Variants in XKR4 observed in about 807,000 individuals in gnomAD.
XKR4 encodes XK related 4.
Under a neutral mutation model 53.9 loss-of-function variants are expected in XKR4, and 12 were observed. That is an observed-to-expected ratio of 0.22 (90% CI 0.14 to 0.36). XKR4 has a LOEUF of 0.36. Among genes scored for constraint, XKR4 ranks in the 10% least tolerant of loss-of-function variants. XKR4 has a pLI of 1.00. For missense variants in XKR4, 799 were observed against 859.5 expected, an observed-to-expected ratio of 0.93 and a Z score of 0.88; for synonymous variants, 354 against 362.4, an observed-to-expected ratio of 0.98 and a Z score of 0.26.
chr8:55,204,491 G>C (rs554690414), intron 1 of XKR4, among the ~76,000 whole-genome samples: 50 of 152,292 alleles, frequency 3.3e-4, no homozygotes, highest in Non-Finnish European at 5.3e-4. Flanking sequence ...TTGACAAAGA[G>C]TATAAATATT....
chr8:55,217,956 A>G (rs1369786612), intron 1 of XKR4, among the ~76,000 whole-genome samples: 1 of 152,166 alleles, frequency 6.6e-6, no homozygotes, highest in East Asian at 1.9e-4. Context: ...AACAAACAAC[A>G]ATGATAGTAG....
At position 55,344,583 on chromosome 8, in the gene XKR4, T is replaced by A. The variant is rs1013783042; in HGVS notation, c.807-13095T>A. Among the ~76,000 whole-genome samples the A allele has an allele frequency of 2.7e-4, 41 of 152,152 alleles. 2 individuals carry two copies. Among genetic ancestry groups the A allele is most frequent in the Non-Finnish European group, 5.9e-5 (4 of 68,014 alleles). ...CTCTATTTACTTCAAGCCACTCTTC[T>A]CCATTTGAATACACATTTTACTGTT... On this transcript the variant is annotated intron_variant, in intron 1 of 2. Coordinates refer to ENST00000327381, the MANE Select transcript of XKR4 (RefSeq NM_052898.2).
chr8:55,511,651 G>A (rs560042144), intron 2 of XKR4, among the ~76,000 whole-genome samples: 13 of 152,246 alleles, frequency 8.5e-5, no homozygotes, highest in South Asian at 4.1e-4. Flanking sequence ...CTTCGACTTC[G>A]CCCTTCCTTT....
chr8:55,281,176 A>G (rs1334554825), intron 1 of XKR4, among the ~76,000 whole-genome samples: 2 of 152,216 alleles, frequency 1.3e-5, no homozygotes, highest in Non-Finnish European at 2.9e-5. Flanking sequence ...GGAGCTGGGC[A>G]TTGACTTTTC....
chr8:55,324,554 G>A (rs77650850), intron 1 of XKR4, among the ~76,000 whole-genome samples: 201 of 152,214 alleles, frequency 1.3e-3, no homozygotes, highest in African/African-American at 4.6e-3. Flanking sequence ...CTCTGACCAC[G>A]AAGTTTTGCT....
chr8:55,315,078 A>C (rs1314604350), intron 1 of XKR4, among the ~76,000 whole-genome samples: 5 of 152,224 alleles, frequency 3.3e-5, no homozygotes, highest in Non-Finnish European at 7.3e-5. Flanking sequence ...CTGAGTGTTC[A>C]AGTGAGAGAG....
At chr8:55,328,786 C>A (rs1262735721) in intron 1 of XKR4, among the ~76,000 whole-genome samples, 3 of 152,206 alleles carry the variant, frequency 2.0e-5, no homozygotes, top group Admixed American at 1.3e-4. Context: ...TTCCCTGAAT[C>A]TTCACAGGGT....
intron 1 of XKR4, among the ~76,000 whole-genome samples, chr8:55,170,679 C>G (rs1484239383): frequency 6.6e-6 from 1 of 152,192 alleles, no homozygotes; most frequent in Non-Finnish European, 1.5e-5. Context: ...ATCACCTTCT[C>G]TGATTATTGA....
At chr8:55,299,036 A>G (rs1819141193) in intron 1 of XKR4, among the ~76,000 whole-genome samples, 1 of 152,066 alleles carries the variant, frequency 6.6e-6, no homozygotes, top group Non-Finnish European at 1.5e-5. Context: ...CTTCCTTACA[A>G]CATCTTTTGC....
At chr8:55,271,676 C>G (rs1585979277) in intron 1 of XKR4, among the ~76,000 whole-genome samples, 1 of 152,364 alleles carries the variant, frequency 6.6e-6, no homozygotes, top group South Asian at 2.1e-4. Flanking sequence ...AGGCAGCTAA[C>G]TAGAAACAGG....
At chr8:55,358,040 G>T (rs1432273660) in intron 2 of XKR4, among the ~76,000 whole-genome samples, 163 bp downstream of exon 2, 1 of 152,052 alleles carries the variant, frequency 6.6e-6, no homozygotes, top group East Asian at 1.9e-4. Context: ...TCCTACCATT[G>T]CTTCTCATGA....
chr8:55,138,836 T>G, intron 1 of XKR4, among the ~76,000 whole-genome samples: 1 of 152,162 alleles, frequency 6.6e-6, no homozygotes, highest in East Asian at 1.9e-4. Flanking sequence ...AGTAAATTGA[T>G]GTTGGTTATG....
chr8:55,207,399 A>G (rs994541537), intron 1 of XKR4, among the ~76,000 whole-genome samples: 27 of 152,056 alleles, frequency 1.8e-4, no homozygotes, highest in Admixed American at 1.6e-3. Flanking sequence ...CATCTCCCCA[A>G]CCCTAATTAT....
intron 1 of XKR4, among the ~76,000 whole-genome samples, chr8:55,206,207 G>C (rs965372565): frequency 6.6e-6 from 1 of 152,112 alleles, no homozygotes; most frequent in African/African-American, 2.4e-5. Context: ...GGCCGGAGCG[G>C]GTTGCCACTG....
intron 2 of XKR4, among the ~76,000 whole-genome samples, chr8:55,461,982 C>A (rs1338997750): frequency 1.3e-5 from 2 of 152,058 alleles, no homozygotes; most frequent in African/African-American, 4.8e-5. Context: ...TGTCAAAAGA[C>A]CTAATCTACA....
At chr8:55,395,046 A>G (rs895833743) in intron 2 of XKR4, among the ~76,000 whole-genome samples, 1 of 152,168 alleles carries the variant, frequency 6.6e-6, no homozygotes, top group Admixed American at 6.5e-5. Context: ...GTGGAGTGCT[A>G]TAATTATAAT....
At chr8:55,173,946 A>C (rs1294493048) in intron 1 of XKR4, among the ~76,000 whole-genome samples, 1 of 152,236 alleles carries the variant, frequency 6.6e-6, no homozygotes, top group Non-Finnish European at 1.5e-5. Context: ...GACATATTTT[A>C]AGAAAATATT....
At chr8:55,309,370 A>G (rs1819356130) in intron 1 of XKR4, among the ~76,000 whole-genome samples, 1 of 152,226 alleles carries the variant, frequency 6.6e-6, no homozygotes, top group Non-Finnish European at 1.5e-5. Context: ...CATTTCAGAA[A>G]TGGAGGAAAG....
intron 1 of XKR4, among the ~76,000 whole-genome samples, chr8:55,103,851 G>GTGTGTATA (rs1187141027): frequency 6.6e-5 from 7 of 106,010 alleles, no homozygotes; most frequent in East Asian, 3.0e-4. Flanking sequence ...AAATGACTTT[G>GTGTGTATA]TATATATATA....
Sources: gnomAD v4.1 joint callset for allele counts (sites outside exome capture counted in the v4.1 genomes callset) on GRCh38, gnomAD v4.1.1 for gene constraint, MANE v1.5 for transcripts, NCBI Gene and HGNC (gene_info 2026-07-23, HGNC 2026-07-21) for gene names.